The following SH3RF1 variants were observed in gnomAD, a reference collection of about 807,000 sequenced individuals.
The protein encoded by SH3RF1 is SH3 domain containing ring finger 1.
Under a neutral mutation model 74.0 loss-of-function variants are expected in SH3RF1, and 32 were observed. The observed-to-expected ratio is 0.43, with a 90% CI of 0.33 to 0.58. The LOEUF is 0.58. SH3RF1 is among the 20% of genes least tolerant of loss of function. SH3RF1 has a pLI of 0.05. For missense variants in SH3RF1, 954 were observed against 1,130.9 expected (o/e 0.84, Z 2.24); for synonymous variants, 396 against 439.6 (o/e 0.90, Z 1.24).
At position 169,117,802 on chromosome 4, in the gene SH3RF1, G is replaced by C. The variant is rs1733363039; in HGVS notation, c.1518-20C>G. ...ACCGCCCTGCCAAGACACAAACATA[G>C]ATGGAAAGCCCAGTCCATCAGCAAA... On this transcript the variant is annotated intron_variant, in intron 8 of 11. Transcript: ENST00000284637. 5 of 1,598,504 alleles carry C rather than the reference G, an allele frequency of 3.1e-6. No homozygotes were observed.
intron 2 of SH3RF1, among the ~76,000 whole-genome samples, chr4:169,215,882 C>T (rs1474892706): frequency 3.3e-5 from 5 of 152,012 alleles, no homozygotes; most frequent in Non-Finnish European, 7.4e-5. Context: ...TGGCTCACTG[C>T]AGCCTCAACC....
chr4:169,152,566 C>T (rs373959180), intron 4 of SH3RF1, among the ~76,000 whole-genome samples: 3 of 152,174 alleles, frequency 2.0e-5, no homozygotes, highest in Non-Finnish European at 4.4e-5. Flanking sequence ...GGTGAAACCC[C>T]GTCTCTACTA....
intron 2 of SH3RF1, among the ~76,000 whole-genome samples, chr4:169,238,908 T>C (rs886726860): frequency 1.3e-5 from 2 of 152,172 alleles, no homozygotes; most frequent in East Asian, 1.9e-4. Context: ...GAAGACTATC[T>C]ATATAAGTAT....
rs186973960 is a variant in SH3RF1, at chr4:169,181,842, C to T, written c.394-25163G>A. ...ACAAAAATGTTCTGTTATTTATGTG[C>T]CCACCACTATGTAAATCCCCTTATC... On this transcript the variant is annotated intron_variant, in intron 2 of 11. Coordinates refer to ENST00000284637, the MANE Select transcript of SH3RF1 (RefSeq NM_020870.4). Among the ~76,000 whole-genome samples, 333 of 152,222 alleles carry T rather than the reference C, an allele frequency of 2.2e-3. 1 individual carries two copies. The highest frequency in any genetic ancestry group is 4.0e-3 in the Non-Finnish European group (270 of 68,016).
intron 2 of SH3RF1, among the ~76,000 whole-genome samples, chr4:169,214,316 G>T (rs1730426785): frequency 6.6e-6 from 1 of 152,192 alleles, no homozygotes; most frequent in African/African-American, 2.4e-5. Flanking sequence ...GCTCCCTGAG[G>T]CCTCACCAGA....
At chr4:169,146,757 T>C (rs1733901880) in intron 4 of SH3RF1, among the ~76,000 whole-genome samples, 1 of 152,014 alleles carries the variant, frequency 6.6e-6, no homozygotes, top group Non-Finnish European at 1.5e-5. Flanking sequence ...AGAATCATAA[T>C]TTGAGGGGAG....
intron 11 of SH3RF1, among the ~76,000 whole-genome samples, chr4:169,105,801 A>C (rs1733123537): frequency 6.6e-6 from 1 of 152,166 alleles, no homozygotes; most frequent in African/African-American, 2.4e-5. Flanking sequence ...TGGGAGGATC[A>C]CTTGAGCCCA....
chr4:169,197,975 A>T (rs1734845555), intron 2 of SH3RF1, among the ~76,000 whole-genome samples: 1 of 152,226 alleles, frequency 6.6e-6, no homozygotes, highest in Non-Finnish European at 1.5e-5. Context: ...AGACTGCCAA[A>T]TACAAAGTGA....
At chr4:169,194,912 T>A (rs1458529580) in intron 2 of SH3RF1, among the ~76,000 whole-genome samples, 1 of 152,232 alleles carries the variant, frequency 6.6e-6, no homozygotes, top group Non-Finnish European at 1.5e-5. Context: ...TTCAAAAGAC[T>A]ATTTATCATA....
intron 2 of SH3RF1, among the ~76,000 whole-genome samples, chr4:169,218,222 T>C (rs1299143191): frequency 1.4e-5 from 2 of 144,684 alleles, no homozygotes; most frequent in Non-Finnish European, 3.0e-5. Context: ...TAATATAATA[T>C]AAACATATTC....
At chr4:169,183,414 G>A (rs562163899) in intron 2 of SH3RF1, among the ~76,000 whole-genome samples, 5 of 152,252 alleles carry the variant, frequency 3.3e-5, no homozygotes, top group Non-Finnish European at 7.4e-5. Flanking sequence ...CCGAGTAGCT[G>A]GGATTACAAG....
At chr4:169,100,210 G>A (rs1466268584) in intron 11 of SH3RF1, among the ~76,000 whole-genome samples, 1 of 152,138 alleles carries the variant, frequency 6.6e-6, no homozygotes, top group Admixed American at 6.5e-5. Context: ...CTGAACCTCA[G>A]GGGTCAATGA....
At chr4:169,248,882 C>T (rs910904745) in intron 2 of SH3RF1, among the ~76,000 whole-genome samples, 1 of 152,150 alleles carries the variant, frequency 6.6e-6, no homozygotes, top group East Asian at 1.9e-4. Context: ...AATGGCTCCG[C>T]TCCAAAACTC....
At chr4:169,130,506 C>T (rs1256123504) in intron 5 of SH3RF1, among the ~76,000 whole-genome samples, 1 of 152,186 alleles carries the variant, frequency 6.6e-6, no homozygotes, top group East Asian at 1.9e-4. Flanking sequence ...CAACTAGCCT[C>T]CTAACAATTT....
At chr4:169,236,001 C>T (rs749310752) in intron 2 of SH3RF1, among the ~76,000 whole-genome samples, 7 of 152,198 alleles carry the variant, frequency 4.6e-5, no homozygotes, top group Admixed American at 6.5e-5. Flanking sequence ...CTTTCAGTGA[C>T]ATTTCCTCTG....
chr4:169,124,459 G>A (rs950192029), intron 6 of SH3RF1, among the ~76,000 whole-genome samples: 6 of 152,192 alleles, frequency 3.9e-5, no homozygotes, highest in Non-Finnish European at 7.3e-5. Context: ...AACAGTGAGA[G>A]TTAGACATTA....
chr4:169,108,870 A>C (rs1464218305), intron 10 of SH3RF1, among the ~76,000 whole-genome samples: 2 of 152,252 alleles, frequency 1.3e-5, no homozygotes, highest in Non-Finnish European at 2.9e-5. Context: ...AGGCTGAGAA[A>C]ATACTGGAAG....
intron 2 of SH3RF1, among the ~76,000 whole-genome samples, chr4:169,264,116 C>T (rs1399926039): frequency 6.6e-6 from 1 of 152,166 alleles, no homozygotes; most frequent in African/African-American, 2.4e-5. Context: ...GCTAGGGCTA[C>T]TACATCCAAG....
intron 2 of SH3RF1, among the ~76,000 whole-genome samples, chr4:169,174,015 A>ATATATT (rs1734376389): frequency 6.6e-6 from 1 of 151,700 alleles, no homozygotes. Context: ...ATATATATAT[A>ATATATT]TGGTGACTGA....
Sources: gnomAD v4.1 joint callset for allele counts (sites outside exome capture counted in the v4.1 genomes callset) on GRCh38, gnomAD v4.1.1 for gene constraint, MANE v1.5 for transcripts, NCBI Gene and HGNC (gene_info 2026-07-23, HGNC 2026-07-21) for gene names.